LRFN5: variants seen among roughly 807,000 people sequenced by gnomAD.
The protein encoded by LRFN5 is leucine rich repeat and fibronectin type III domain containing 5.
In LRFN5, 24 loss-of-function variants were observed where a neutral mutation model predicts 45.6. That is an observed-to-expected ratio of 0.53 (90% CI 0.38 to 0.74). The LOEUF (loss-of-function observed/expected upper bound fraction) is 0.74, where lower values mean the gene tolerates loss of function less well. Ranked by LOEUF, LRFN5 falls within the 30% of genes least tolerant of loss-of-function variation. The pLI, the probability that LRFN5 is intolerant of heterozygous loss-of-function variation, is 0.00. For missense variants in LRFN5, 776 were observed against 861.5 expected (o/e 0.90, Z 1.24); for synonymous variants, 340 against 313.8 (o/e 1.08, Z -0.88).
chr14:41,855,805 T>C (rs1889431824), intron 2 of LRFN5, among the ~76,000 whole-genome samples: 1 of 152,206 alleles, frequency 6.6e-6, no homozygotes, highest in African/African-American at 2.4e-5. Context: ...ACTGCAAAAC[T>C]GTTTTACCTC....
intron 1 of LRFN5, among the ~76,000 whole-genome samples, chr14:41,664,161 TA>T (rs1246692700): frequency 6.6e-6 from 1 of 151,958 alleles, no homozygotes; most frequent in Non-Finnish European, 1.5e-5. Flanking sequence ...CACGAGGGAG[TA>T]AAAATTATAA....
At chr14:41,631,106 C>T in intron 1 of LRFN5, among the ~76,000 whole-genome samples, 1 of 152,154 alleles carries the variant, frequency 6.6e-6, no homozygotes, top group Non-Finnish European at 1.5e-5. Flanking sequence ...TCATTGCTTA[C>T]TAAATTAAAC....
intron 1 of LRFN5, among the ~76,000 whole-genome samples, chr14:41,653,614 GT>G (rs559219849): frequency 6.9e-4 from 105 of 152,262 alleles, no homozygotes; most frequent in African/African-American, 2.3e-3. Context: ...ATACTAAAAA[GT>G]TTAGATTTTA....
chr14:41,672,578 A>T, intron 1 of LRFN5, among the ~76,000 whole-genome samples: 1 of 152,300 alleles, frequency 6.6e-6, no homozygotes, highest in East Asian at 1.9e-4. Flanking sequence ...TAAAGTAACA[A>T]ATTTCTTATG....
At chr14:41,704,440 C>CTGTGTGTGTGTGTGTGTGTGTG (rs1207281360) in intron 1 of LRFN5, among the ~76,000 whole-genome samples, 11 of 125,354 alleles carry the variant, frequency 8.8e-5, no homozygotes, top group Admixed American at 2.4e-4. Context: ...CTCTCTCTCT[C>CTGTGTGTGTGTGTGTGTGTGTG]TCTCTCTCTG....
At chr14:41,630,300 T>G (rs1391803975) in intron 1 of LRFN5, among the ~76,000 whole-genome samples, 1 of 152,096 alleles carries the variant, frequency 6.6e-6, no homozygotes, top group African/African-American at 2.4e-5. Flanking sequence ...GGGCAAAGAC[T>G]TTTTTTCAGT....
chr14:41,836,496 G>A (rs1002520693), intron 2 of LRFN5, among the ~76,000 whole-genome samples: 4 of 140,814 alleles, frequency 2.8e-5, no homozygotes, highest in African/African-American at 5.0e-5. Context: ...GTATATATTT[G>A]TTATAATACA....
At chr14:41,839,624 A>C (rs979208091) in intron 2 of LRFN5, among the ~76,000 whole-genome samples, 1 of 152,174 alleles carries the variant, frequency 6.6e-6, no homozygotes, top group Middle Eastern at 3.2e-3. Context: ...TGCTCAAGCT[A>C]AATGTGAGCC....
intron 4 of LRFN5, 71 bp from the exon 5 acceptor site, chr14:41,898,846 G>GT: frequency 7.3e-7 from 1 of 1,372,654 alleles, no homozygotes; most frequent in South Asian, 1.2e-5. Context: ...CAAGATTTCA[G>GT]TAAGAGGTTT....
intron 2 of LRFN5, among the ~76,000 whole-genome samples, chr14:41,787,862 C>G (rs1222749020): frequency 6.6e-6 from 1 of 151,970 alleles, no homozygotes; most frequent in Non-Finnish European, 1.5e-5. Context: ...CCCCTAGTGT[C>G]ATGATGTTTG....
At chr14:41,782,311 C>A (rs1259399717) in intron 2 of LRFN5, among the ~76,000 whole-genome samples, 1 of 151,840 alleles carries the variant, frequency 6.6e-6, no homozygotes, top group Non-Finnish European at 1.5e-5. Context: ...TTAGCTTTAT[C>A]CTGTTTACTG....
rs151012965 is a variant in LRFN5 at position 41,657,670 on chromosome 14, C to A, written c.-197+49108C>A. ...TTAAGGACTTATGACTTGTTAGACA[C>A]CTTTGTGATGATATAATAAAACCAA... On this transcript the variant is annotated intron_variant, in intron 1 of 5. Coordinates refer to ENST00000298119, the MANE Select transcript of LRFN5 (RefSeq NM_152447.5). Among the ~76,000 whole-genome samples the A allele has an allele frequency of 8.5e-3, 1,298 of 152,014 alleles. 6 individuals are homozygous for A. The highest frequency in any genetic ancestry group is 0.013 in the Non-Finnish European group (881 of 67,898).
At chr14:41,825,421 T>G (rs1485655868) in intron 2 of LRFN5, among the ~76,000 whole-genome samples, 3 of 152,226 alleles carry the variant, frequency 2.0e-5, no homozygotes, top group Non-Finnish European at 4.4e-5. Context: ...ACAGTCACCT[T>G]CAGCTCACAT....
intron 5 of LRFN5, among the ~76,000 whole-genome samples, chr14:41,900,064 C>A (rs890431714): frequency 6.6e-6 from 1 of 152,020 alleles, no homozygotes; most frequent in Non-Finnish European, 1.5e-5. Context: ...ATCACTCTCT[C>A]TCCCTCTTTG....
chr14:41,849,620 T>C (rs1889195381), intron 2 of LRFN5, among the ~76,000 whole-genome samples: 1 of 151,994 alleles, frequency 6.6e-6, no homozygotes, highest in African/African-American at 2.4e-5. Flanking sequence ...AAGAACTACC[T>C]CAAACATCAC....
At chr14:41,850,749 T>C (rs935716955) in intron 2 of LRFN5, among the ~76,000 whole-genome samples, 3 of 151,868 alleles carry the variant, frequency 2.0e-5, no homozygotes, top group Non-Finnish European at 4.4e-5. Flanking sequence ...TGGCCATTAT[T>C]TTTGCAGTAC....
chr14:41,731,066 T>C (rs538316358), intron 1 of LRFN5, among the ~76,000 whole-genome samples: 86 of 152,174 alleles, frequency 5.7e-4, no homozygotes, highest in African/African-American at 2.0e-3. Flanking sequence ...AGATGTTTAA[T>C]GATGCAATGA....
intron 2 of LRFN5, among the ~76,000 whole-genome samples, chr14:41,834,576 A>G (rs563722349): frequency 6.6e-6 from 1 of 152,290 alleles, no homozygotes; most frequent in South Asian, 2.1e-4. Context: ...CACTCTCTAT[A>G]TCTTCATCTA....
intron 2 of LRFN5, among the ~76,000 whole-genome samples, chr14:41,849,321 T>C (rs1640175397): frequency 6.6e-6 from 1 of 152,046 alleles, no homozygotes; most frequent in African/African-American, 2.4e-5. Flanking sequence ...TTCATCTTTA[T>C]CTTCCCAAAC....
Sources: allele counts gnomAD v4.1 joint callset (sites outside exome capture counted in the v4.1 genomes callset), GRCh38; gene constraint gnomAD v4.1.1; transcripts MANE v1.5; gene names NCBI Gene and HGNC (gene_info 2026-07-23, HGNC 2026-07-21).